PRKCQ: variants seen among roughly 807,000 people sequenced by gnomAD.
The protein encoded by PRKCQ is protein kinase C theta type.
In PRKCQ, 41 loss-of-function variants were observed where a neutral mutation model predicts 91.2. That is an observed-to-expected ratio of 0.45 (90% confidence interval 0.35 to 0.58). PRKCQ has a LOEUF of 0.58. Ranked by LOEUF, PRKCQ falls within the 20% of genes least tolerant of loss-of-function variation. The pLI is 0.00. For synonymous variants in PRKCQ, 307 were observed against 316.9 expected (o/e 0.97, Z 0.33); for missense variants, 673 against 896.5 (o/e 0.75, Z 3.18).
intron 15 of PRKCQ, among the ~76,000 whole-genome samples, chr10:6,447,972 C>T (rs1159041858): frequency 6.6e-6 from 1 of 152,168 alleles, no homozygotes; most frequent in Non-Finnish European, 1.5e-5. Context: ...CAATGGGGAA[C>T]TGAGTGAGGT....
At chr10:6,403,595 T>C in the PRKCQ span, among the ~76,000 whole-genome samples, 16,497 of 152,186 alleles carry the variant, frequency 0.11, 2,823 homozygotes, top group African/African-American at 0.37. Context: ...CCCATGCTCA[T>C]GGCCTGAGGA....
intron 15 of PRKCQ, among the ~76,000 whole-genome samples, chr10:6,452,248 G>C (rs1331014353): frequency 6.6e-6 from 1 of 152,180 alleles, no homozygotes; most frequent in East Asian, 1.9e-4. Flanking sequence ...CAAAATCAAT[G>C]TACAAAAATC....
chr10:6,396,816 G>A, the PRKCQ span, among the ~76,000 whole-genome samples: 1 of 152,218 alleles, frequency 6.6e-6, no homozygotes, highest in Non-Finnish European at 1.5e-5. Context: ...GAGAGGAACT[G>A]CTAGGTCATA....
At chr10:6,423,459 G>A (rs1833050435), downstream of PRKCQ, among the ~76,000 whole-genome samples, 1 of 152,172 alleles carries the variant, frequency 6.6e-6, no homozygotes, top group African/African-American at 2.4e-5. Flanking sequence ...GCAGCCAGTG[G>A]CTTCATTCCC....
intron 1 of PRKCQ, among the ~76,000 whole-genome samples, chr10:6,516,969 G>A (rs180809348): frequency 4.6e-5 from 7 of 152,206 alleles, no homozygotes; most frequent in Admixed American, 3.9e-4. Context: ...TTAAACGGCC[G>A]TTTCACCAGA....
intron 1 of PRKCQ, among the ~76,000 whole-genome samples, chr10:6,561,786 C>T (rs984818447): frequency 2.6e-5 from 4 of 152,098 alleles, no homozygotes; most frequent in African/African-American, 4.8e-5. Flanking sequence ...AAGTGACAGT[C>T]GTCAGTACGT....
At chr10:6,395,840 C>G in the PRKCQ span, among the ~76,000 whole-genome samples, 1 of 152,098 alleles carries the variant, frequency 6.6e-6, no homozygotes, top group Non-Finnish European at 1.5e-5. Flanking sequence ...GAGGTCCTGA[C>G]CGTCAGTGCC....
chr10:6,511,702 C>T (rs1838485917), intron 2 of PRKCQ, among the ~76,000 whole-genome samples: 1 of 152,180 alleles, frequency 6.6e-6, no homozygotes, highest in Non-Finnish European at 1.5e-5. Context: ...TCATGATGAA[C>T]CAGGGGCCTG....
Position 6,573,331 on chromosome 10 carries a change from C to A in PRKCQ, c.-10+6880G>T, listed in dbSNP as rs1316473778. Among the ~76,000 whole-genome samples, 5 of 152,288 alleles carry A rather than the reference C, an allele frequency of 3.3e-5. No homozygotes were observed. The East Asian group carries it at 7.7e-4, about 23-fold the overall frequency. On this transcript the variant is annotated intron_variant, in intron 1 of 17. Transcript: ENST00000263125. The stretch of plus-strand genomic sequence containing the variant: ...CAGCTGAGATGAACTTCTCTCAAAA[C>A]GACAAGAACAACAACATTTCTGCTT...
At chr10:6,411,321 T>G in the PRKCQ span, among the ~76,000 whole-genome samples, 19 of 152,304 alleles carry the variant, frequency 1.2e-4, no homozygotes, top group Non-Finnish European at 2.9e-5. Context: ...TAGTAGGCAC[T>G]CAGTAAATAT....
chr10:6,397,959 C>G, the PRKCQ span, among the ~76,000 whole-genome samples: 13 of 152,222 alleles, frequency 8.5e-5, no homozygotes, highest in African/African-American at 3.1e-4. Flanking sequence ...CTTGCCTAAC[C>G]CAAAGTCAAG....
At chr10:6,395,113 A>G in the PRKCQ span, among the ~76,000 whole-genome samples, 1 of 129,812 alleles carries the variant, frequency 7.7e-6, no homozygotes, top group African/African-American at 3.0e-5. Flanking sequence ...CCCAGGCTGG[A>G]GTGCAGTGGC....
chr10:6,522,713 G>A (rs983016535), intron 1 of PRKCQ, among the ~76,000 whole-genome samples: 1 of 152,228 alleles, frequency 6.6e-6, no homozygotes, highest in African/African-American at 2.4e-5. Flanking sequence ...ATGGCTCAGT[G>A]TTGGGGGAGA....
At chr10:6,491,576 G>T in intron 8 of PRKCQ, 107 bp downstream of exon 8, 2 of 1,433,194 alleles carry the variant, frequency 1.4e-6, no homozygotes, top group Non-Finnish European at 9.4e-7. Flanking sequence ...GTCTGGGCTG[G>T]GTGTGGAAGT....
At chr10:6,580,160 GC>G (rs1841415597) in intron 1 of PRKCQ, 50 bp downstream of exon 1, 1 of 152,516 alleles carries the variant, frequency 6.6e-6, no homozygotes, top group Admixed American at 6.5e-5. Context: ...ACGGGTCTCG[GC>G]CCCTCCAGCC....
At chr10:6,455,396 A>T (rs1834951184) in intron 15 of PRKCQ, among the ~76,000 whole-genome samples, 1 of 152,222 alleles carries the variant, frequency 6.6e-6, no homozygotes. Context: ...TTCCTCATGG[A>T]ATAGAAGCCA....
At chr10:6,520,324 C>T (rs1473786077) in intron 1 of PRKCQ, among the ~76,000 whole-genome samples, 2 of 152,146 alleles carry the variant, frequency 1.3e-5, no homozygotes, top group Admixed American at 6.5e-5. Flanking sequence ...TTGTGCCTCA[C>T]GACCCACTTG....
chr10:6,486,704 T>G (rs1836941072), intron 8 of PRKCQ, among the ~76,000 whole-genome samples: 2 of 152,318 alleles, frequency 1.3e-5, no homozygotes, highest in African/African-American at 4.8e-5. Context: ...AGAACTCTCC[T>G]GGGCTAAGCC....
intron 15 of PRKCQ, among the ~76,000 whole-genome samples, chr10:6,449,504 A>C (rs1834527285): frequency 1.3e-5 from 2 of 152,140 alleles, no homozygotes; most frequent in South Asian, 4.1e-4. Context: ...GTTGGAAAAC[A>C]CTCTGCAGGA....
Sources: allele counts gnomAD v4.1 joint callset (sites outside exome capture counted in the v4.1 genomes callset), GRCh38; gene constraint gnomAD v4.1.1; transcripts MANE v1.5; gene names NCBI Gene and HGNC (gene_info 2026-07-23, HGNC 2026-07-21).